STAC: variants seen among roughly 807,000 people sequenced by gnomAD.
STAC encodes the protein SH3 and cysteine rich domain, also known as SH3 and cysteine-rich domain-containing protein.
STAC carries 43 observed loss-of-function variants against 48.8 expected under a neutral mutation model. The ratio of observed to expected loss-of-function variants is 0.88; its 90% CI spans 0.69 to 1.14. The LOEUF (loss-of-function observed/expected upper bound fraction) is 1.14. STAC is among the 50% of genes most tolerant of loss of function. The probability of loss-of-function intolerance (pLI) is 0.00; values close to 1 mark genes in which losing one functional copy is unlikely to be tolerated. For synonymous variants in STAC, 193 were observed against 179.5 expected, an observed-to-expected ratio of 1.07 and a Z score of -0.60; for missense variants, 497 against 504.0, an observed-to-expected ratio of 0.99 and a Z score of 0.13.
intron 8 of STAC, among the ~76,000 whole-genome samples, chr3:36,514,954 C>G (rs1020238810): frequency 7.9e-5 from 12 of 151,894 alleles, no homozygotes; most frequent in African/African-American, 2.9e-4. Context: ...AGGGGAATTG[C>G]TTGAACCAGG....
chr3:36,425,635 G>A (rs994147915), intron 1 of STAC, among the ~76,000 whole-genome samples: 2 of 152,224 alleles, frequency 1.3e-5, no homozygotes, highest in African/African-American at 4.8e-5. Context: ...GTTATACAAG[G>A]TGTTAAGCAG....
At chr3:36,451,796 C>T (rs1023130974) in intron 2 of STAC, among the ~76,000 whole-genome samples, 3 of 152,134 alleles carry the variant, frequency 2.0e-5, no homozygotes, top group African/African-American at 4.8e-5. Context: ...CTTAACTTCC[C>T]TTTTCTTAAG....
chr3:36,403,620 T>C (rs1227435652), intron 1 of STAC, among the ~76,000 whole-genome samples: 2 of 151,240 alleles, frequency 1.3e-5, no homozygotes, highest in Non-Finnish European at 3.0e-5. Flanking sequence ...TGTGAAAAAA[T>C]GAAAAATAAA....
chr3:36,411,375 T>C (rs1700191324), intron 1 of STAC, among the ~76,000 whole-genome samples: 1 of 152,198 alleles, frequency 6.6e-6, no homozygotes, highest in Admixed American at 6.5e-5. Flanking sequence ...AGAATCTGCA[T>C]ATGTAACTTT....
At chr3:36,414,696 G>A (rs955660564) in intron 1 of STAC, among the ~76,000 whole-genome samples, 1 of 152,198 alleles carries the variant, frequency 6.6e-6, no homozygotes, top group Non-Finnish European at 1.5e-5. Flanking sequence ...GTCCAGCTTT[G>A]TTCTGTTGCT....
chr3:36,421,078 C>T (rs933536263), intron 1 of STAC, among the ~76,000 whole-genome samples: 4 of 152,142 alleles, frequency 2.6e-5, no homozygotes, highest in Middle Eastern at 6.8e-3. Flanking sequence ...TGTAGTTTAC[C>T]CATTTTCCTG....
chr3:36,517,215 G>A (rs1698695561), intron 8 of STAC, among the ~76,000 whole-genome samples: 1 of 152,100 alleles, frequency 6.6e-6, no homozygotes, highest in Non-Finnish European at 1.5e-5. Context: ...ATAGCAGGGT[G>A]GTATAGTGGA....
intron 6 of STAC, among the ~76,000 whole-genome samples, chr3:36,496,954 G>A (rs1367439548): frequency 1.3e-5 from 2 of 151,978 alleles, no homozygotes; most frequent in African/African-American, 2.4e-5. Flanking sequence ...AAAGGGCTGG[G>A]TTAACCACAG....
intron 1 of STAC, among the ~76,000 whole-genome samples, chr3:36,385,820 C>A (rs1281437023): frequency 6.6e-6 from 1 of 152,018 alleles, no homozygotes; most frequent in African/African-American, 2.4e-5. Context: ...TTGTAGGTAG[C>A]AATAGTTTTC....
At chr3:36,449,870 G>A (rs28417941) in intron 2 of STAC, among the ~76,000 whole-genome samples, 2,166 of 152,318 alleles carry the variant, frequency 0.014, 61 homozygotes, top group African/African-American at 0.048. Context: ...GAGGAAGTGA[G>A]GAGGCCTGCT....
Position 36,443,268 on chromosome 3 carries a change from G to C in STAC, c.112-96G>C. ...CTCCTCAAGACGGAGGGTGTCAGTG[G>C]GGACTGTGTAGTGCACACAGCAGAC... On this transcript the variant is annotated intron_variant, in intron 1 of 10. Transcript: ENST00000273183. The surrounding 1 kb of genome is among the most constrained non-coding windows in gnomAD (Gnocchi z 4.2). 5 of 1,400,154 alleles carry C rather than the reference G, an allele frequency of 3.6e-6. No homozygotes were observed. The highest frequency in any genetic ancestry group is 4.9e-6 in the Non-Finnish European group (5 of 1,016,876). The allele number at this position is 1,400,154 out of a possible 1,614,324, so 86.7% of individuals were successfully genotyped here. A position where few individuals can be genotyped will look rare whatever the true frequency, so the allele number is the denominator to read the frequency against.
At chr3:36,432,960 C>T (rs570713124) in intron 1 of STAC, among the ~76,000 whole-genome samples, 1 of 152,288 alleles carries the variant, frequency 6.6e-6, no homozygotes, top group African/African-American at 2.4e-5. Context: ...ACAATAACTA[C>T]TTGGTAGTAA....
intron 1 of STAC, among the ~76,000 whole-genome samples, chr3:36,390,256 A>T (rs929947401): frequency 6.6e-6 from 1 of 152,132 alleles, no homozygotes; most frequent in Non-Finnish European, 1.5e-5. Flanking sequence ...TTTCCAACTA[A>T]GTCATTCCTT....
intron 5 of STAC, among the ~76,000 whole-genome samples, chr3:36,488,813 G>C (rs1697886370): frequency 6.6e-6 from 1 of 152,050 alleles, no homozygotes; most frequent in South Asian, 2.1e-4. Flanking sequence ...ACCCTTGACA[G>C]TACCCCCTGA....
rs563035112 is a variant in STAC, at chr3:36,434,827, C to G, written c.112-8537C>G. On this transcript the variant is annotated intron_variant, in intron 1 of 10. Transcript: ENST00000273183. ...TGTGTTCCAGTGCTCTCATGACTCC[C>G]AATTTCTGCATTCCCTGACTAATTG... Among the ~76,000 whole-genome samples, 18 of 152,312 alleles carry G rather than the reference C, an allele frequency of 1.2e-4. No individual in the cohort carries two copies. In the East Asian group the frequency reaches 3.5e-3, roughly 29 times the overall value.
chr3:36,480,186 A>G (rs1000003058), intron 2 of STAC, among the ~76,000 whole-genome samples: 1 of 152,232 alleles, frequency 6.6e-6, no homozygotes, highest in African/African-American at 2.4e-5. Flanking sequence ...CACAAATAGC[A>G]TTCTCTAATT....
At chr3:36,537,942 C>T (rs1322709926) in intron 10 of STAC, among the ~76,000 whole-genome samples, 1 of 150,282 alleles carries the variant, frequency 6.7e-6, no homozygotes. Context: ...TGTGTTCTAT[C>T]AAAGCTTTAA....
At chr3:36,445,073 G>T (rs1051873331) in intron 2 of STAC, among the ~76,000 whole-genome samples, 1 of 152,198 alleles carries the variant, frequency 6.6e-6, no homozygotes, top group African/African-American at 2.4e-5. Context: ...AATAGGTGAT[G>T]ATGAGCCTCT....
rs375977430 is a variant in STAC, at chr3:36,407,476, T to C, written c.111+26722T>C. Among the ~76,000 whole-genome samples, 23 of 152,324 alleles carry C rather than the reference T, an allele frequency of 1.5e-4. No individual in the cohort carries two copies. In the South Asian group the frequency reaches 3.3e-3, roughly 22 times the overall value. ...ATGATGACTAATTTGTCATAGCCAT[T>C]CAGAATTCCATTTCATTAGCAGGTA... On this transcript the variant is annotated intron_variant, in intron 1 of 10. Coordinates refer to ENST00000273183, the MANE Select transcript of STAC (RefSeq NM_003149.3).
Sources: allele counts gnomAD v4.1 joint callset (sites outside exome capture counted in the v4.1 genomes callset), GRCh38; gene constraint gnomAD v4.1.1; non-coding constraint Gnocchi (gnomAD v3.1); transcripts MANE v1.5; gene names NCBI Gene and HGNC (gene_info 2026-07-23, HGNC 2026-07-21).